The following CHRM3 variants were observed in gnomAD, a reference collection of about 807,000 sequenced individuals.
The protein encoded by CHRM3 is cholinergic receptor muscarinic 3.
In CHRM3, 11 loss-of-function variants were observed where a neutral mutation model predicts 41.8. That is an observed-to-expected ratio of 0.26 (90% confidence interval 0.17 to 0.44). The LOEUF is 0.44. CHRM3 is among the 20% of genes least tolerant of loss of function. CHRM3 has a pLI of 1.00. For synonymous variants in CHRM3, 297 were observed against 301.4 expected (o/e 0.99, Z 0.15); for missense variants, 571 against 745.4 (o/e 0.77, Z 2.72).
chr1:239,618,638 A>G (rs183649843), intron 3 of CHRM3, among the ~76,000 whole-genome samples: 4 of 151,492 alleles, frequency 2.6e-5, no homozygotes, highest in African/African-American at 7.2e-5. Context: ...AGGTCAGGAG[A>G]TCGAGACCAT....
intron 5 of CHRM3, among the ~76,000 whole-genome samples, chr1:239,681,097 G>C (rs781199648): frequency 1.3e-5 from 2 of 152,084 alleles, no homozygotes; most frequent in African/African-American, 4.8e-5. Context: ...CACAAGAATA[G>C]CACAGGAATG....
chr1:239,554,056 A>AT (rs1480511265), intron 3 of CHRM3, among the ~76,000 whole-genome samples: 3 of 152,206 alleles, frequency 2.0e-5, no homozygotes, highest in Non-Finnish European at 4.4e-5. Context: ...CACCTGGCTA[A>AT]TTTTTTTATT....
At chr1:239,781,165 G>T (rs1281462323) in intron 5 of CHRM3, among the ~76,000 whole-genome samples, 1 of 152,010 alleles carries the variant, frequency 6.6e-6, no homozygotes, top group Non-Finnish European at 1.5e-5. Flanking sequence ...TTTTGATTGG[G>T]ATTGTATTGA....
intron 1 of CHRM3, among the ~76,000 whole-genome samples, chr1:239,464,056 C>T (rs1450801148): frequency 6.6e-6 from 1 of 152,122 alleles, no homozygotes; most frequent in South Asian, 2.1e-4. Flanking sequence ...GTGGGCGGAT[C>T]ACTTGAGGTC....
chr1:239,768,499 T>C (rs373288072), intron 5 of CHRM3, among the ~76,000 whole-genome samples: 113,675 of 152,010 alleles, frequency 0.75, 42,987 homozygotes, highest in African/African-American at 0.81. Context: ...AAAATAAACA[T>C]GGTGAAAATT....
Position 239,422,757 on chromosome 1 carries a change from T to G in CHRM3, c.-521+35530T>G, listed in dbSNP as rs1254238791. Among the ~76,000 whole-genome samples the G allele has an allele frequency of 5.9e-5, 9 of 151,356 alleles. No homozygotes were observed. In the East Asian group the frequency reaches 1.8e-3, roughly 30 times the overall value. Reference sequence around the variant, plus strand: ...TTTCAGTGAGCAGAGATGGCACCACTGCACTCCAGCCTGGGTGACAAGAGT... The same window carrying G: ...TTTCAGTGAGCAGAGATGGCACCACGGCACTCCAGCCTGGGTGACAAGAGT... On this transcript the variant is annotated intron_variant, in intron 1 of 6. Transcript: ENST00000676153.
At chr1:239,448,826 G>A (rs1312382168) in intron 1 of CHRM3, among the ~76,000 whole-genome samples, 2 of 152,118 alleles carry the variant, frequency 1.3e-5, no homozygotes, top group African/African-American at 2.4e-5. Context: ...ATCAGGTGCA[G>A]CATGAAAACA....
chr1:239,844,616 C>T (rs1674112824), intron 6 of CHRM3, among the ~76,000 whole-genome samples: 1 of 152,014 alleles, frequency 6.6e-6, no homozygotes. Context: ...AATGGGTGGC[C>T]GTTGCTAATC....
intron 4 of CHRM3, among the ~76,000 whole-genome samples, chr1:239,646,140 A>G (rs2148946838): frequency 6.6e-6 from 1 of 152,378 alleles, no homozygotes; most frequent in Middle Eastern, 3.4e-3. Context: ...AGAGTCTCAC[A>G]GAAAAAATAA....
chr1:239,390,868 G>A (rs1250063932), intron 1 of CHRM3, among the ~76,000 whole-genome samples: 1 of 152,222 alleles, frequency 6.6e-6, no homozygotes, highest in African/African-American at 2.4e-5. Flanking sequence ...TGGGCACAGT[G>A]GCTCATGCCA....
rs1395909196 is a variant in CHRM3 at position 239,813,925 on chromosome 1, A to AAAACAAAAAAAAAC, written c.-146-13324_-146-13323insCAAAAAAAAACAAA. Among the ~76,000 whole-genome samples the AAAACAAAAAAAAAC allele has an allele frequency of 4.6e-4, 68 of 146,490 alleles. 4 individuals are homozygous for AAAACAAAAAAAAAC. The highest frequency in any genetic ancestry group is 1.7e-3 in the African/African-American group (61 of 36,760). On this transcript the variant is annotated intron_variant, in intron 5 of 6. Coordinates refer to ENST00000676153, the MANE Select transcript of CHRM3 (RefSeq NM_001375978.1). ...GAGCGAGACTCCGTCTCAAAAAAAA[A>AAAACAAAAAAAAAC]AAAAAAAAACTCACAGTTGTAGACT...
intron 1 of CHRM3, among the ~76,000 whole-genome samples, chr1:239,420,441 A>G (rs1661863311): frequency 6.6e-6 from 1 of 152,166 alleles, no homozygotes; most frequent in African/African-American, 2.4e-5. Context: ...ATTTGGATTC[A>G]GTAGATTTGG....
At chr1:239,443,458 T>G (rs1167928669) in intron 1 of CHRM3, among the ~76,000 whole-genome samples, 1 of 152,148 alleles carries the variant, frequency 6.6e-6, no homozygotes, top group African/African-American at 2.4e-5. Context: ...AAAAAAAACT[T>G]CCAGTAACCT....
chr1:239,787,479 AC>A (rs1405293484), intron 5 of CHRM3, among the ~76,000 whole-genome samples: 6 of 152,146 alleles, frequency 3.9e-5, no homozygotes, highest in African/African-American at 1.4e-4. Flanking sequence ...AGAAGCCGAA[AC>A]AAGAACTCCC....
chr1:239,519,904 C>A (rs1262530001), intron 2 of CHRM3, among the ~76,000 whole-genome samples: 1 of 151,924 alleles, frequency 6.6e-6, no homozygotes, highest in African/African-American at 2.4e-5. Flanking sequence ...CCCGCCACCA[C>A]ACCCCGCTAA....
chr1:239,784,241 A>G (rs1324694972), intron 5 of CHRM3, among the ~76,000 whole-genome samples: 1 of 151,846 alleles, frequency 6.6e-6, no homozygotes, highest in Non-Finnish European at 1.5e-5. Flanking sequence ...AATTAATATG[A>G]CTACACCTGG....
At chr1:239,429,658 T>G (rs1662665606) in intron 1 of CHRM3, among the ~76,000 whole-genome samples, 1 of 152,222 alleles carries the variant, frequency 6.6e-6, no homozygotes, top group Non-Finnish European at 1.5e-5. Flanking sequence ...CTTACACTGA[T>G]GACAATGTGT....
intron 1 of CHRM3, among the ~76,000 whole-genome samples, chr1:239,438,101 A>T (rs1260759277): frequency 2.0e-5 from 3 of 152,180 alleles, no homozygotes; most frequent in African/African-American, 7.2e-5. Flanking sequence ...TTCAGCCATA[A>T]CCATATGACA....
At chr1:239,451,966 T>C (rs1453334628) in intron 1 of CHRM3, among the ~76,000 whole-genome samples, 2 of 152,208 alleles carry the variant, frequency 1.3e-5, no homozygotes, top group African/African-American at 2.4e-5. Context: ...GACTATGCTG[T>C]ATCTATATTT....
Sources: gnomAD v4.1 joint callset for allele counts (sites outside exome capture counted in the v4.1 genomes callset) on GRCh38, gnomAD v4.1.1 for gene constraint, MANE v1.5 for transcripts, NCBI Gene and HGNC (gene_info 2026-07-23, HGNC 2026-07-21) for gene names.